TANC2: variants seen among roughly 807,000 people sequenced by gnomAD.
TANC2 encodes tetratricopeptide repeat, ankyrin repeat and coiled-coil containing 2.
In TANC2, 26 loss-of-function variants were observed where a neutral mutation model predicts 210.5. The ratio of observed to expected loss-of-function variants is 0.12; its 90% CI spans 0.09 to 0.17. The LOEUF is 0.17. Ranked by LOEUF, TANC2 falls within the 10% of genes least tolerant of loss-of-function variation. TANC2 has a pLI of 1.00. For missense variants in TANC2, 2,129 were observed against 2,608.9 expected (o/e 0.82, Z 4.01); for synonymous variants, 931 against 967.1 (o/e 0.96, Z 0.69).
intron 4 of TANC2, among the ~76,000 whole-genome samples, chr17:63,114,096 T>C (rs1014303503): frequency 1.3e-5 from 2 of 152,166 alleles, no homozygotes; most frequent in Non-Finnish European, 2.9e-5. Context: ...TATGCCCTTT[T>C]ATGCCCTGCT....
At chr17:63,309,599 T>A (rs1233069380) in intron 9 of TANC2, among the ~76,000 whole-genome samples, 1 of 152,186 alleles carries the variant, frequency 6.6e-6, no homozygotes, top group Non-Finnish European at 1.5e-5. Flanking sequence ...TAAGAAGATG[T>A]TTTATGGTTA....
rs139198855 is a variant in TANC2 at position 63,252,205 on chromosome 17, A to G, written c.1033+14128A>G. 1.1e-4 allele frequency among the ~76,000 whole-genome samples: 16 copies of G among 152,174 alleles called. No individual in the cohort carries two copies. The East Asian group carries it at 2.9e-3, about 28-fold the overall frequency. ...TAGATGAGTATAATTTTTTAAAAATATATCTGTATTAGGCTTCTTTCTTTT... is the reference window on the plus strand; with the variant it reads ...TAGATGAGTATAATTTTTTAAAAATGTATCTGTATTAGGCTTCTTTCTTTT... On this transcript the variant is annotated intron_variant, in intron 8 of 27. Coordinates refer to ENST00000689528, the Ensembl canonical transcript of TANC2.
chr17:63,237,667 T>C (rs1285976775), intron 7 of TANC2, 147 bp from the exon 8 acceptor site: 1 of 709,374 alleles, frequency 1.4e-6, no homozygotes, highest in African/African-American at 1.8e-5. Flanking sequence ...CCAGTTTCAT[T>C]CCCCTGCATA....
intron 4 of TANC2, chr17:63,125,013 A>C (rs976764792): frequency 1.3e-5 from 2 of 152,202 alleles, no homozygotes; most frequent in Non-Finnish European, 2.9e-5. Flanking sequence ...ACTTTTAAAA[A>C]TGAAATGTTT....
chr17:62,975,606 C>A (rs2031959522), intron 1 of TANC2, among the ~76,000 whole-genome samples: 1 of 145,002 alleles, frequency 6.9e-6, no homozygotes, highest in South Asian at 2.2e-4. Context: ...AGCTGTTATT[C>A]AGACATTCCT....
chr17:63,364,497 T>G (rs2047054455), intron 14 of TANC2, among the ~76,000 whole-genome samples: 1 of 152,206 alleles, frequency 6.6e-6, no homozygotes, highest in Non-Finnish European at 1.5e-5. Flanking sequence ...CATACAGAGA[T>G]ATAGTTCTGC....
At chr17:63,133,960 T>TA (rs1426348824) in intron 4 of TANC2, among the ~76,000 whole-genome samples, 1 of 151,166 alleles carries the variant, frequency 6.6e-6, no homozygotes, top group African/African-American at 2.5e-5. Context: ...TCATAGTTGG[T>TA]AAAATATTCA....
rs556066393 is a variant in TANC2 at position 63,418,114 on chromosome 17, C to T, written c.4168-193C>T. On this transcript the variant is annotated intron_variant, in intron 26 of 27. Coordinates refer to ENST00000689528, the Ensembl canonical transcript of TANC2. This position sits in a 1 kb window ranked among gnomAD's most constrained non-coding sequence, Gnocchi z 4.6. ...GATAAAGTCCAGTGAGCAGTCGCAG[C>T]GCTACACAGGACAAAGGCAGAAGGA... 9.2e-5 allele frequency among the ~76,000 whole-genome samples: 14 copies of T among 152,324 alleles called. No homozygotes were observed. The highest frequency in any genetic ancestry group is 1.8e-4 in the Non-Finnish European group (12 of 68,022).
At chr17:63,379,275 C>G (rs1282444012) in intron 14 of TANC2, among the ~76,000 whole-genome samples, 1 of 152,146 alleles carries the variant, frequency 6.6e-6, no homozygotes, top group African/African-American at 2.4e-5. Flanking sequence ...CATTCTTTGC[C>G]CAGGAGCAGG....
chr17:63,220,826 ATATG>A (rs1408680181), intron 7 of TANC2, among the ~76,000 whole-genome samples: 7 of 148,796 alleles, frequency 4.7e-5, no homozygotes, highest in African/African-American at 1.2e-4. Flanking sequence ...ATATACGTGT[ATATG>A]TATATATGTG....
intron 14 of TANC2, among the ~76,000 whole-genome samples, chr17:63,360,531 A>G (rs894065256): frequency 5.3e-5 from 8 of 152,076 alleles, no homozygotes; most frequent in African/African-American, 1.4e-4. Context: ...ATACATATAT[A>G]TATATATGGT....
chr17:63,411,675 G>A (rs1179665050), exon 22 of TANC2: 4 of 1,612,008 alleles, frequency 2.5e-6, no homozygotes, highest in South Asian at 1.1e-5. Context: ...TTTCTATGGC[G>A]ATGCTGAGGT....
At chr17:63,163,157 T>A (rs1424074363) in intron 5 of TANC2, among the ~76,000 whole-genome samples, 1 of 151,812 alleles carries the variant, frequency 6.6e-6, no homozygotes, top group Non-Finnish European at 1.5e-5. Context: ...CTTTTGTAGA[T>A]TCAGTGGGTT....
At chr17:63,054,115 G>A (rs1426744933) in intron 2 of TANC2, among the ~76,000 whole-genome samples, 1 of 152,126 alleles carries the variant, frequency 6.6e-6, no homozygotes, top group Non-Finnish European at 1.5e-5. Flanking sequence ...TTACATCTCT[G>A]AATCTGTCTT....
intron 11 of TANC2, among the ~76,000 whole-genome samples, chr17:63,326,282 A>G (rs1277512154): frequency 6.6e-6 from 1 of 152,230 alleles, no homozygotes; most frequent in Admixed American, 6.5e-5. Flanking sequence ...TCATTGGGAT[A>G]AAGGTGGACT....
chr17:63,163,486 G>A (rs2040098861), intron 5 of TANC2, among the ~76,000 whole-genome samples: 1 of 152,186 alleles, frequency 6.6e-6, no homozygotes, highest in Non-Finnish European at 1.5e-5. Flanking sequence ...ACTACAAGAA[G>A]GAAGGACAGT....
intron 1 of TANC2, among the ~76,000 whole-genome samples, chr17:62,969,692 AGTGTGT>A (rs143764403): frequency 6.0e-5 from 9 of 149,872 alleles, no homozygotes; most frequent in East Asian, 1.9e-4. Flanking sequence ...AGTTTAATAT[AGTGTGT>A]GTGTGTGTGT....
intron 4 of TANC2, among the ~76,000 whole-genome samples, chr17:63,106,384 G>A (rs1304525383): frequency 7.3e-5 from 11 of 151,624 alleles, no homozygotes; most frequent in Non-Finnish European, 1.6e-4. Flanking sequence ...TATAGCTAAG[G>A]AGCAGAGTGG....
chr17:63,170,396 C>G (rs1002100808), intron 5 of TANC2, among the ~76,000 whole-genome samples: 17 of 149,954 alleles, frequency 1.1e-4, no homozygotes, highest in African/African-American at 3.9e-4. Context: ...GATCGTGCCA[C>G]TGCTCTCACA....
Sources: allele counts gnomAD v4.1 joint callset (sites outside exome capture counted in the v4.1 genomes callset), GRCh38; gene constraint gnomAD v4.1.1; non-coding constraint Gnocchi (gnomAD v3.1); transcripts MANE v1.5; gene names NCBI Gene and HGNC (gene_info 2026-07-23, HGNC 2026-07-21).